The following GATA3 variants were observed in gnomAD, a reference collection of about 807,000 sequenced individuals.
GATA3 encodes the protein trans-acting T-cell-specific transcription factor GATA-3.
Under a neutral mutation model 36.0 loss-of-function variants are expected in GATA3, and 6 were observed. That is an observed-to-expected ratio of 0.17 (90% CI 0.09 to 0.33). GATA3 has a LOEUF of 0.33. GATA3 is among the 10% of genes least tolerant of loss of function. The pLI is 1.00. For synonymous variants in GATA3, 326 were observed against 273.0 expected (o/e 1.19, Z -1.92); for missense variants, 514 against 610.1 (o/e 0.84, Z 1.66).
intron 2 of GATA3, among the ~76,000 whole-genome samples, chr10:8,057,395 A>T (rs1006438206): frequency 2.0e-5 from 3 of 152,096 alleles, no homozygotes; most frequent in African/African-American, 7.2e-5. Flanking sequence ...GGCTAATCAG[A>T]CTCTGTGTCT....
intron 4 of GATA3, among the ~76,000 whole-genome samples, chr10:8,067,767 G>C (rs554506954): frequency 6.6e-6 from 1 of 152,206 alleles, no homozygotes; most frequent in South Asian, 2.1e-4. Flanking sequence ...GCAGTGAGCC[G>C]AGATCGCGCC....
At chr10:8,069,850 A>C (rs1256808013) in intron 5 of GATA3, among the ~76,000 whole-genome samples, 1 of 152,108 alleles carries the variant, frequency 6.6e-6, no homozygotes, top group Non-Finnish European at 1.5e-5. Context: ...ACCATGCAGC[A>C]ATCCGATGTG....
In GATA3 at chr10:8,058,032, C is replaced by T. The variant is rs577515001; in HGVS notation, c.242-273C>T. Among the ~76,000 whole-genome samples the T allele has an allele frequency of 9.1e-4, 139 of 152,302 alleles. 1 individual carries two copies. The highest frequency in any genetic ancestry group is 3.1e-3 in the African/African-American group (129 of 41,560). On this transcript the variant is annotated intron_variant, in intron 2 of 5. Transcript: ENST00000379328. Reference sequence around the variant, plus strand: ...GGCCCTTCTCCCCCTCTGCAGCAACCTCTCGGGTGTCAGCCACAGGCCCTT... The same window carrying T: ...GGCCCTTCTCCCCCTCTGCAGCAACTTCTCGGGTGTCAGCCACAGGCCCTT...
intron 3 of GATA3, among the ~76,000 whole-genome samples, chr10:8,059,318 C>T (rs1033001578): frequency 6.6e-6 from 1 of 152,182 alleles, no homozygotes. Context: ...AAGGGGACCA[C>T]GCAGTGAGGA....
intron 3 of GATA3, among the ~76,000 whole-genome samples, chr10:8,063,087 T>G (rs1832776443): frequency 6.6e-6 from 1 of 152,194 alleles, no homozygotes; most frequent in Non-Finnish European, 1.5e-5. Flanking sequence ...TTTATTTTGT[T>G]TGTTTGTGTT....
At chr10:8,050,535 C>A (rs536427340), upstream of GATA3, 1 of 160,874 alleles carries the variant, frequency 6.2e-6, no homozygotes, top group African/African-American at 2.4e-5. Context: ...CTCCCCCAGG[C>A]CCAGCTCGCC....
chr10:8,048,584 C>T (rs1261339027), intron 1 of GATA3, among the ~76,000 whole-genome samples: 2 of 152,154 alleles, frequency 1.3e-5, no homozygotes, highest in Admixed American at 1.3e-4. Context: ...TGCCTCCACC[C>T]CTTCTTTTCC....
At chr10:8,063,319 C>T (rs376473955) in intron 3 of GATA3, among the ~76,000 whole-genome samples, 6 of 152,120 alleles carry the variant, frequency 3.9e-5, no homozygotes, top group Admixed American at 6.5e-5. Context: ...CTTCAGTCTC[C>T]GTAACAGCGG....
chr10:8,049,593 C>CG (rs1415554950), upstream of GATA3, among the ~76,000 whole-genome samples: 1 of 152,116 alleles, frequency 6.6e-6, no homozygotes, highest in African/African-American at 2.4e-5. Context: ...GGGCCAGCGG[C>CG]GGCGCCTGGA....
upstream of GATA3, chr10:8,050,779 T>G: frequency 2.9e-6 from 1 of 342,128 alleles, no homozygotes; most frequent in Non-Finnish European, 6.0e-6. Flanking sequence ...GCGCTCTGCT[T>G]GCAAAGTCTT....
intron 4 of GATA3, among the ~76,000 whole-genome samples, chr10:8,066,459 T>C (rs1371529853): frequency 6.6e-6 from 1 of 151,472 alleles, no homozygotes; most frequent in Non-Finnish European, 1.5e-5. Context: ...TCTTTTTTTT[T>C]TTTAGCCCTG....
intron 4 of GATA3, among the ~76,000 whole-genome samples, chr10:8,066,479 T>C (rs1397840209): frequency 6.6e-6 from 1 of 152,008 alleles, no homozygotes; most frequent in Non-Finnish European, 1.5e-5. Context: ...GAGATGTATT[T>C]GACTTCTGAA....
intron 1 of GATA3, among the ~76,000 whole-genome samples, chr10:8,047,319 T>C (rs1228233112): frequency 6.6e-6 from 1 of 152,182 alleles, no homozygotes; most frequent in Non-Finnish European, 1.5e-5. Context: ...TTAGGGATCC[T>C]GATAAGGAGT....
In GATA3 at chr10:8,061,230, G is replaced by A. The variant is rs572741383; in HGVS notation, c.778+2389G>A. Among the ~76,000 whole-genome samples, 17 of 152,270 alleles carry A rather than the reference G, an allele frequency of 1.1e-4. No homozygotes were observed. The East Asian group carries it at 2.3e-3, about 21-fold the overall frequency. On this transcript the variant is annotated intron_variant, in intron 3 of 5. Transcript: ENST00000379328. The stretch of plus-strand genomic sequence containing the variant: ...TTGCTGTCTTAACGCCTGGGCTTTC[G>A]GGGCTGGGACGAAGCTTTTGCAAAC...
At chr10:8,052,788 G>T (rs986164715), upstream of GATA3, 3 of 151,392 alleles carry the variant, frequency 2.0e-5, no homozygotes, top group African/African-American at 7.3e-5. Flanking sequence ...GATGCGGGCA[G>T]CCTGGCTGGC....
chr10:8,065,546 C>A (rs544560053), intron 4 of GATA3, among the ~76,000 whole-genome samples: 1 of 151,880 alleles, frequency 6.6e-6, no homozygotes, highest in Non-Finnish European at 1.5e-5. Flanking sequence ...CATGAGCCAC[C>A]GCTCCCAGCC....
upstream of GATA3, chr10:8,050,842 C>A (rs772294090): frequency 2.0e-5 from 8 of 407,320 alleles, no homozygotes; most frequent in South Asian, 1.5e-4. Flanking sequence ...ACGCTCTCTC[C>A]CCCTCCGCGG....
chr10:8,058,343 C>G lies in GATA3; in HGVS notation c.280C>G (p.Leu94Val). The change falls in exon 3 of 6, where the codon CTA becomes GTA. Residue 94 changes from leucine to valine, a missense_variant. By Grantham distance (32) the Leu-to-Val change is conservative. This residue lies in a region of GATA3 where 381 missense variants were observed against 354.3 expected (regional missense o/e 1.08). Coordinates refer to ENST00000379328, the MANE Select transcript of GATA3 (RefSeq NM_001002295.2). ...VCRPPLLHGS[L>V]PWLDGGKALG... ...CCGCCCGCCTCTGCTTCATGGATCC[C>G]TACCCTGGCTGGACGGCGGCAAAGC... 1 of 1,613,458 alleles carries G rather than the reference C, an allele frequency of 6.2e-7. No individual in the cohort carries two copies. The highest frequency in any genetic ancestry group is 8.5e-7 in the Non-Finnish European group (1 of 1,180,018).
intron 3 of GATA3, among the ~76,000 whole-genome samples, chr10:8,063,021 C>G (rs564249398): frequency 1.1e-4 from 16 of 152,334 alleles, no homozygotes; most frequent in African/African-American, 2.9e-4. Flanking sequence ...GCTTTCCAGC[C>G]TGGGCTGAGG....
Sources: gnomAD v4.1 joint callset for allele counts (sites outside exome capture counted in the v4.1 genomes callset) on GRCh38, gnomAD v4.1.1 for gene constraint, gnomAD v4.1.1 regional missense constraint, MANE v1.5 for transcripts, NCBI Gene and HGNC (gene_info 2026-07-23, HGNC 2026-07-21) for gene names.